Variants in CNST observed in about 807,000 individuals in gnomAD.
The protein encoded by CNST is consortin, connexin sorting protein.
A neutral mutation model predicts 72.4 loss-of-function variants in CNST; 39 were observed. The observed-to-expected ratio is 0.54, with a 90% CI of 0.42 to 0.70. CNST has a LOEUF of 0.70. CNST is among the 30% of genes least tolerant of loss of function. The pLI is 0.00. For synonymous variants in CNST, 332 were observed against 320.1 expected, an observed-to-expected ratio of 1.04 and a Z score of -0.40; for missense variants, 871 against 868.5, an observed-to-expected ratio of 1.00 and a Z score of -0.04.
chr1:246,647,847 A>G lies in CNST; in HGVS notation c.1646A>G (p.Asn549Ser), dbSNP rs1302020016. ...AACAAAGAAACAGAAGACTATTTGAACAGCCTTTTAGAAGGATGTTTAAAA... is the reference window on the plus strand; with the variant it reads ...AACAAAGAAACAGAAGACTATTTGAGCAGCCTTTTAGAAGGATGTTTAAAA... ...QLNKETEDYLNSLLEGCLKDT... is the reference protein window; with the variant it reads ...QLNKETEDYLSSLLEGCLKDT... The change falls in exon 9 of 11, where the codon AAC becomes AGC. Residue 549 changes from asparagine (N) to serine (S), a missense_variant. By Grantham distance (46) the Asn-to-Ser change is conservative (BLOSUM62 1). Transcript: ENST00000366513. The G allele has an allele frequency of 3.1e-6, 5 of 1,614,218 alleles. No homozygotes were observed. The South Asian group carries it at 4.4e-5, about 14-fold the overall frequency.
chr1:246,585,552 C>T lies in CNST; in HGVS notation c.-51-5960C>T, dbSNP rs184480127. Reference sequence around the variant, plus strand: ...ATCCCAGCTACTCAGGTGGCTGAGGCGGCAGAATCACTTGAATCGGGAGGC... The same window carrying T: ...ATCCCAGCTACTCAGGTGGCTGAGGTGGCAGAATCACTTGAATCGGGAGGC... On this transcript the variant is annotated intron_variant, in intron 1 of 10. Coordinates refer to ENST00000366513, the MANE Select transcript of CNST (RefSeq NM_152609.3). Among the ~76,000 whole-genome samples the T allele has an allele frequency of 9.2e-4, 137 of 149,592 alleles. 3 individuals are homozygous for T. In the East Asian group the frequency reaches 0.022, roughly 24 times the overall value.
intron 8 of CNST, among the ~76,000 whole-genome samples, chr1:246,646,850 G>A (rs1558587099): frequency 6.6e-6 from 1 of 152,186 alleles, no homozygotes. Flanking sequence ...GTTTAATAAA[G>A]TTCAGAATAT....
chr1:246,625,981 C>T (rs1014572547), intron 3 of CNST, among the ~76,000 whole-genome samples: 1 of 152,002 alleles, frequency 6.6e-6, no homozygotes, highest in Non-Finnish European at 1.5e-5. Flanking sequence ...GTTTATTTGC[C>T]TTTGGGAGCT....
chr1:246,599,632 G>C (rs1662134832), intron 2 of CNST, among the ~76,000 whole-genome samples: 1 of 152,158 alleles, frequency 6.6e-6, no homozygotes, highest in Non-Finnish European at 1.5e-5. Context: ...GCTGGGCTGG[G>C]CGCAATGGCT....
At chr1:246,569,965 A>T (rs1659962614) in intron 1 of CNST, 2 of 964,994 alleles carry the variant, frequency 2.1e-6, no homozygotes, top group African/African-American at 3.5e-5. Context: ...CTGTTGTTGC[A>T]GAGTTATTTT....
intron 1 of CNST, among the ~76,000 whole-genome samples, chr1:246,586,223 T>A (rs2103018823): frequency 6.8e-6 from 1 of 147,478 alleles, no homozygotes; most frequent in Non-Finnish European, 1.5e-5. Context: ...GTATATATAA[T>A]ATATACCTTT....
At chr1:246,664,618 G>A (rs937735659) in intron 10 of CNST, among the ~76,000 whole-genome samples, 7 of 151,844 alleles carry the variant, frequency 4.6e-5, no homozygotes, top group Non-Finnish European at 8.8e-5. Context: ...AGTAGAGACG[G>A]GGTTTCACCG....
intron 2 of CNST, among the ~76,000 whole-genome samples, chr1:246,618,620 T>C (rs1435427627): frequency 6.6e-6 from 1 of 152,234 alleles, no homozygotes; most frequent in Non-Finnish European, 1.5e-5. Flanking sequence ...CTGCTGCTCT[T>C]GGAATCCTTA....
chr1:246,576,133 G>C, intron 1 of CNST, among the ~76,000 whole-genome samples: 1 of 145,770 alleles, frequency 6.9e-6, no homozygotes, highest in Admixed American at 6.9e-5. Context: ...TACTCTGGAG[G>C]CTGAGGCAGG....
intron 5 of CNST, 37 bp from the exon 6 acceptor site, chr1:246,634,424 CTAAATATGTTTT>C: frequency 8.8e-7 from 1 of 1,142,382 alleles, no homozygotes; most frequent in South Asian, 1.5e-5. Flanking sequence ...TTTTTTGCTC[CTAAATATGTTTT>C]ATAAGAGCCA....
At chr1:246,592,482 G>A (rs986524939) in intron 2 of CNST, among the ~76,000 whole-genome samples, 7 of 151,836 alleles carry the variant, frequency 4.6e-5, no homozygotes, top group Non-Finnish European at 1.0e-4. Context: ...GTGAGACTTC[G>A]TCTCAAAAAA....
intron 1 of CNST, among the ~76,000 whole-genome samples, chr1:246,573,876 G>C (rs1660214857): frequency 6.6e-6 from 1 of 152,106 alleles, no homozygotes; most frequent in Non-Finnish European, 1.5e-5. Context: ...AATGTGCCCA[G>C]AATGTCTCTA....
intron 3 of CNST, among the ~76,000 whole-genome samples, chr1:246,625,414 C>CTTTTTTTTTTTTTTTTTTTTTTTTT (rs61588900): frequency 1.8e-5 from 1 of 56,102 alleles, no homozygotes; most frequent in African/African-American, 7.3e-5. Context: ...TTATTTCTTT[C>CTTTTTTTTTTTTTTTTTTTTTTTTT]TTTTTTTTTT....
At chr1:246,593,471 G>T (rs2103028326) in intron 2 of CNST, among the ~76,000 whole-genome samples, 1 of 152,124 alleles carries the variant, frequency 6.6e-6, no homozygotes, top group Non-Finnish European at 1.5e-5. Context: ...CTCCTGAGTA[G>T]CTGGGATCAC....
At chr1:246,617,868 A>G (rs921810951) in intron 2 of CNST, among the ~76,000 whole-genome samples, 7 of 152,220 alleles carry the variant, frequency 4.6e-5, no homozygotes, top group Admixed American at 4.6e-4. Context: ...CATAACATGT[A>G]TAACAATTGC....
intron 2 of CNST, among the ~76,000 whole-genome samples, chr1:246,594,300 C>T (rs758898921): frequency 6.6e-6 from 1 of 152,128 alleles, no homozygotes; most frequent in Non-Finnish European, 1.5e-5. Flanking sequence ...CAGGTATACA[C>T]CAGTGGGCCC....
At chr1:246,620,656 C>T (rs554505246) in intron 2 of CNST, among the ~76,000 whole-genome samples, 8 of 115,268 alleles carry the variant, frequency 6.9e-5, no homozygotes, top group African/African-American at 2.2e-4. Context: ...CGGCTTCAGT[C>T]GTGCATACAC....
chr1:246,620,735 G>A (rs1196352183), intron 2 of CNST, among the ~76,000 whole-genome samples: 1 of 122,816 alleles, frequency 8.1e-6, no homozygotes, highest in African/African-American at 3.0e-5. Flanking sequence ...ATGGGCTCTG[G>A]GAACACTACA....
chr1:246,620,764 A>ATGG (rs1329922811), intron 2 of CNST, among the ~76,000 whole-genome samples: 1 of 123,116 alleles, frequency 8.1e-6, no homozygotes, highest in African/African-American at 3.2e-5. Flanking sequence ...AGCTTCAGTC[A>ATGG]TGCATACACA....
Sources: gnomAD v4.1 joint callset for allele counts (sites outside exome capture counted in the v4.1 genomes callset) on GRCh38, gnomAD v4.1.1 for gene constraint, MANE v1.5 for transcripts, NCBI Gene and HGNC (gene_info 2026-07-23, HGNC 2026-07-21) for gene names.